Variants in DROSHA observed in about 807,000 individuals in gnomAD.
DROSHA encodes drosha ribonuclease III.
In DROSHA, 56 loss-of-function variants were observed where a neutral mutation model predicts 181.9. The ratio of observed to expected loss-of-function variants is 0.31; its 90% CI spans 0.25 to 0.38. DROSHA has a LOEUF of 0.38. Ranked by LOEUF, DROSHA falls within the 10% of genes least tolerant of loss-of-function variation. DROSHA has a pLI of 1.00. For missense variants in DROSHA, 1,218 were observed against 1,743.5 expected (o/e 0.70, Z 5.37); for synonymous variants, 524 against 591.2 (o/e 0.89, Z 1.65).
In DROSHA at chr5:31,411,918, C is replaced by A. The variant is rs139180290; in HGVS notation, c.3526-1031G>T. 1.3e-5 allele frequency among the ~76,000 whole-genome samples: 2 copies of A among 152,192 alleles called. No homozygotes were observed. Among genetic ancestry groups the A allele is most frequent in the South Asian group, 2.1e-4 (1 of 4,836 alleles). ...TTGGGATTACAGGCGTGAGCCACTGCGCCCAGCCCATACTGGTATCCTTTG... is the reference window on the plus strand; with the variant it reads ...TTGGGATTACAGGCGTGAGCCACTGAGCCCAGCCCATACTGGTATCCTTTG... On this transcript the variant is annotated intron_variant, in intron 30 of 35. Transcript: ENST00000344624. The surrounding 1 kb of genome is among the most constrained non-coding windows in gnomAD (Gnocchi z 4.2).
At chr5:31,496,518 C>T (rs1477294057) in intron 11 of DROSHA, among the ~76,000 whole-genome samples, 1 of 152,240 alleles carries the variant, frequency 6.6e-6, no homozygotes, top group African/African-American at 2.4e-5. Flanking sequence ...ATGGAGGTGG[C>T]AGCTGCATAA....
At chr5:31,408,290 T>C (rs914635622) in intron 33 of DROSHA, among the ~76,000 whole-genome samples, 2 of 152,228 alleles carry the variant, frequency 1.3e-5, no homozygotes, top group African/African-American at 4.8e-5. Flanking sequence ...GAAACAGTTT[T>C]GAAACAATCT....
chr5:31,491,153 A>G (rs1227121592), intron 13 of DROSHA, among the ~76,000 whole-genome samples: 1 of 151,582 alleles, frequency 6.6e-6, no homozygotes, highest in Admixed American at 6.6e-5. Flanking sequence ...TGCTATCATT[A>G]ATGAAGTTCA....
chr5:31,453,245 G>A (rs1747242628), intron 20 of DROSHA, among the ~76,000 whole-genome samples: 1 of 152,144 alleles, frequency 6.6e-6, no homozygotes, highest in Non-Finnish European at 1.5e-5. Flanking sequence ...ACCCAGGCTA[G>A]AGTGCAGTGA....
At chr5:31,444,090 AC>A (rs1745973736) in intron 23 of DROSHA, among the ~76,000 whole-genome samples, 1 of 152,232 alleles carries the variant, frequency 6.6e-6, no homozygotes, top group African/African-American at 2.4e-5. Context: ...CATGGGCACG[AC>A]AGAGGAAGTT....
chr5:31,487,507 G>A (rs894672685), intron 13 of DROSHA, among the ~76,000 whole-genome samples: 3 of 152,210 alleles, frequency 2.0e-5, no homozygotes, highest in Non-Finnish European at 4.4e-5. Context: ...AGAATTGGCT[G>A]GCTAGCTGGG....
intron 4 of DROSHA, among the ~76,000 whole-genome samples, chr5:31,528,267 C>T (rs961717448): frequency 6.6e-6 from 1 of 152,130 alleles, no homozygotes; most frequent in Non-Finnish European, 1.5e-5. Flanking sequence ...AACTTCTGAG[C>T]TCCAGACCCA....
At chr5:31,437,425 T>A in intron 23 of DROSHA, 127 bp from the exon 24 acceptor site, 1 of 825,042 alleles carries the variant, frequency 1.2e-6, no homozygotes, top group Non-Finnish European at 1.9e-6. Context: ...TCCCTATTCC[T>A]CATAATTAAG....
chr5:31,504,254 A>T (rs185707578), intron 11 of DROSHA, among the ~76,000 whole-genome samples: 3 of 152,330 alleles, frequency 2.0e-5, no homozygotes, highest in Non-Finnish European at 4.4e-5. Context: ...ACTTATGATG[A>T]AACATAAAAC....
intron 30 of DROSHA, among the ~76,000 whole-genome samples, chr5:31,420,740 A>C (rs989859977): frequency 6.6e-6 from 1 of 152,198 alleles, no homozygotes; most frequent in African/African-American, 2.4e-5. Context: ...TTAAAGGCTC[A>C]AACATCATTA....
At chr5:31,461,971 T>C (rs988493177) in intron 20 of DROSHA, among the ~76,000 whole-genome samples, 3 of 152,166 alleles carry the variant, frequency 2.0e-5, no homozygotes, top group African/African-American at 7.2e-5. Context: ...CCTTGACAGC[T>C]AAATAATGCA....
At chr5:31,421,884 A>AC (rs58364582) in intron 29 of DROSHA, 1 of 94,264 alleles carries the variant, frequency 1.1e-5, no homozygotes, top group African/African-American at 6.1e-5. Context: ...AAAAAAAAAA[A>AC]AAAAAAAAAA....
chr5:31,480,156 C>T (rs1229510980), intron 16 of DROSHA, among the ~76,000 whole-genome samples: 2 of 93,290 alleles, frequency 2.1e-5, no homozygotes, highest in Non-Finnish European at 5.3e-5. Context: ...GTCTTTTGCC[C>T]GTTTTTCTAT....
Position 31,408,991 on chromosome 5 carries a change from C to A in DROSHA, c.3854+65G>T, listed in dbSNP as rs970769826. 2.8e-6 allele frequency: 4 copies of A among 1,453,880 alleles called. No individual in the cohort carries two copies. The African/African-American group carries it at 5.6e-5, about 20-fold the overall frequency. 90.1% of individuals were successfully genotyped at this position (1,453,880 alleles called of 1,614,324 possible). A position where few individuals can be genotyped will look rare whatever the true frequency, so the allele number is the denominator to read the frequency against. ...CCCCACAATGACTCATTCTTCAAGGCACATGGAAAGTCAATTTTAGGCATG... is the reference window on the plus strand; with the variant it reads ...CCCCACAATGACTCATTCTTCAAGGAACATGGAAAGTCAATTTTAGGCATG... On this transcript the variant is annotated intron_variant, in intron 33 of 35. Coordinates refer to ENST00000344624, the MANE Select transcript of DROSHA (RefSeq NM_001382508.1).
At chr5:31,525,904 A>G (rs1483362056) in intron 5 of DROSHA, among the ~76,000 whole-genome samples, 175 bp downstream of exon 5, 1 of 152,232 alleles carries the variant, frequency 6.6e-6, no homozygotes, top group African/African-American at 2.4e-5. Flanking sequence ...TTTTTCTGAC[A>G]TCAACTTATT....
intron 20 of DROSHA, among the ~76,000 whole-genome samples, chr5:31,458,775 T>C (rs1386661963): frequency 1.3e-5 from 2 of 152,328 alleles, no homozygotes; most frequent in East Asian, 3.9e-4. Context: ...ATTTAATTAA[T>C]TTAAATTTAA....
intron 20 of DROSHA, among the ~76,000 whole-genome samples, chr5:31,459,193 T>C (rs1056239088): frequency 6.6e-6 from 1 of 152,222 alleles, no homozygotes; most frequent in African/African-American, 2.4e-5. Flanking sequence ...GAGTTCATTA[T>C]ACTTTTCTCT....
Position 31,406,905 on chromosome 5 carries a change from T to A in DROSHA, c.3895A>T (p.Thr1299Ser). The A allele has an allele frequency of 6.2e-7, 1 of 1,613,802 alleles. No individual in the cohort carries two copies. Among genetic ancestry groups the A allele is most frequent in the African/African-American group, 1.3e-5 (1 of 75,016 alleles). Residue 1299 changes from threonine to serine, a missense_variant, in exon 34 of 36, where the codon ACT becomes TCT. Thr to Ser is a moderately conservative substitution (Grantham distance 58). Coordinates refer to ENST00000344624, the MANE Select transcript of DROSHA (RefSeq NM_001382508.1). ...TVGPSHARTY[T>S]VAVYFKGERI... ...TCTCCCTTGAAATAAACAGCCACAG[T>A]GTAGGTTCGGGCATGGGATGGGCCC...
intron 27 of DROSHA, among the ~76,000 whole-genome samples, chr5:31,427,128 C>T (rs1435812532): frequency 2.0e-5 from 3 of 152,072 alleles, no homozygotes; most frequent in Non-Finnish European, 4.4e-5. Context: ...GTGAGGTGCC[C>T]AGAGGCAACT....
Sources: allele counts gnomAD v4.1 joint callset (sites outside exome capture counted in the v4.1 genomes callset), GRCh38; gene constraint gnomAD v4.1.1; non-coding constraint Gnocchi (gnomAD v3.1); transcripts MANE v1.5; gene names NCBI Gene and HGNC (gene_info 2026-07-23, HGNC 2026-07-21).